Variants in SLC6A6 observed in about 807,000 individuals in gnomAD.
SLC6A6 encodes solute carrier family 6 member 6.
SLC6A6 carries 16 observed loss-of-function variants against 68.8 expected under a neutral mutation model. That is an observed-to-expected ratio of 0.23 (90% confidence interval 0.16 to 0.35). The LOEUF (loss-of-function observed/expected upper bound fraction) is 0.35. Among genes scored for constraint, SLC6A6 ranks in the 10% least tolerant of loss-of-function variants. SLC6A6 has a pLI of 1.00. For missense variants in SLC6A6, 474 were observed against 802.8 expected (o/e 0.59, Z 4.95); for synonymous variants, 312 against 315.4 (o/e 0.99, Z 0.12).
At chr3:14,404,655 C>T (rs953730894) in intron 1 of SLC6A6, among the ~76,000 whole-genome samples, 4 of 152,228 alleles carry the variant, frequency 2.6e-5, no homozygotes, top group African/African-American at 9.6e-5. Flanking sequence ...CTTTGAGCCT[C>T]GGCTTGGCTG....
chr3:14,485,091 T>G lies in SLC6A6; in HGVS notation c.*84T>G, dbSNP rs1701116542. On this transcript the variant is annotated 3_prime_UTR_variant, in exon 15 of 15. Transcript: ENST00000622186. ...ATAGGACCAGGTTTACAGAGCTTTA[T>G]ATTTGCACTAGGATTTTTTTTTTTT... 1.6e-6 allele frequency: 2 copies of G among 1,218,632 alleles called. No individual in the cohort carries two copies. The highest frequency in any genetic ancestry group is 2.2e-6 in the Non-Finnish European group (2 of 895,230). The allele number at this position is 1,218,632 out of a possible 1,614,324, so 75.5% of individuals were successfully genotyped here.
chr3:14,486,590 A>T lies in SLC6A6; in HGVS notation c.*1583A>T, dbSNP rs2125004671. ...TACCTTTCAAATCCCCAGGGCAGAC[A>T]CACCCCCACCCAGCCCCTATTTGGA... On this transcript the variant is annotated 3_prime_UTR_variant, in exon 15 of 15. Coordinates refer to ENST00000622186, the MANE Select transcript of SLC6A6 (RefSeq NM_003043.6). 1 of 152,714 alleles carries T rather than the reference A, an allele frequency of 6.5e-6. No individual in the cohort carries two copies. The highest frequency in any genetic ancestry group is 2.4e-5 in the African/African-American group (1 of 41,534). 9.5% of individuals were successfully genotyped at this position (152,714 alleles called of 1,614,324 possible).
intron 10 of SLC6A6, among the ~76,000 whole-genome samples, chr3:14,474,459 C>T (rs116014568): frequency 0.016 from 2,442 of 152,312 alleles, 77 homozygotes; most frequent in African/African-American, 0.056. Flanking sequence ...CCATCACCAC[C>T]GTCCGTCTCC....
chr3:14,427,866 C>T (rs954018940), intron 2 of SLC6A6, among the ~76,000 whole-genome samples: 3 of 152,170 alleles, frequency 2.0e-5, no homozygotes, highest in Non-Finnish European at 4.4e-5. Context: ...AGTTCCCAGC[C>T]CCTGTAACTT....
intron 6 of SLC6A6, among the ~76,000 whole-genome samples, chr3:14,466,089 C>G (rs1322913725): frequency 6.6e-6 from 1 of 151,858 alleles, no homozygotes; most frequent in Non-Finnish European, 1.5e-5. Context: ...TGGTGAAACC[C>G]CATCTCTACT....
intron 2 of SLC6A6, among the ~76,000 whole-genome samples, chr3:14,417,635 G>A (rs1699393398): frequency 6.6e-6 from 1 of 152,080 alleles, no homozygotes; most frequent in Admixed American, 6.6e-5. Flanking sequence ...GGGAGGCTGA[G>A]GCAGGAGAAT....
chr3:14,482,136 G>T (rs1701023634), intron 14 of SLC6A6, among the ~76,000 whole-genome samples: 1 of 152,236 alleles, frequency 6.6e-6, no homozygotes, highest in Non-Finnish European at 1.5e-5. Context: ...TGGCAGAGTT[G>T]GGGTGGGCAG....
intron 2 of SLC6A6, among the ~76,000 whole-genome samples, chr3:14,424,900 G>A (rs1030390871): frequency 6.0e-4 from 92 of 152,258 alleles, no homozygotes; most frequent in African/African-American, 2.1e-3. Flanking sequence ...AAGGAAGCTC[G>A]GTCGAAGCCG....
chr3:14,418,419 G>A (rs892923120), intron 2 of SLC6A6, among the ~76,000 whole-genome samples: 1 of 152,174 alleles, frequency 6.6e-6, no homozygotes. Context: ...GGCCTAGGTT[G>A]CTTGGTCACA....
At chr3:14,451,914 C>T (rs1196346325) in intron 5 of SLC6A6, among the ~76,000 whole-genome samples, 1 of 152,202 alleles carries the variant, frequency 6.6e-6, no homozygotes, top group African/African-American at 2.4e-5. Flanking sequence ...GACCCTCAAG[C>T]TGAAGCCCAG....
chr3:14,434,802 C>T (rs1051198613), intron 2 of SLC6A6, among the ~76,000 whole-genome samples: 1 of 152,210 alleles, frequency 6.6e-6, no homozygotes, highest in African/African-American at 2.4e-5. Context: ...ACCCCTCCCC[C>T]TGCAACTGGC....
Position 14,472,451 on chromosome 3 carries a change from G to C in SLC6A6, c.1209+134G>C. On this transcript the variant is annotated intron_variant, in intron 10 of 14. Transcript: ENST00000622186. This position sits in a 1 kb window ranked among gnomAD's most constrained non-coding sequence, Gnocchi z 4.5. ...CAGACTTCCAGTGCTTCAGCTGTGA[G>C]GGTTCCTCCAGGACACCAGGAATAG... is the stretch of plus-strand genomic sequence containing the variant. 1.5e-6 allele frequency: 1 copy of C among 653,694 alleles called. No individual in the cohort carries two copies. Among genetic ancestry groups the C allele is most frequent in the Non-Finnish European group, 2.7e-6 (1 of 365,764 alleles). 40.5% of individuals were successfully genotyped at this position (653,694 alleles called of 1,614,324 possible). A position where few individuals can be genotyped will look rare whatever the true frequency, so the allele number is the denominator to read the frequency against.
rs1053329934 is a variant in SLC6A6, at chr3:14,458,530, C to T, written c.732+448C>T. On this transcript the variant is annotated intron_variant, in intron 6 of 14. Transcript: ENST00000622186. The stretch of plus-strand genomic sequence containing the variant: ...AGCCATTAGCCACAGCATGGACCCT[C>T]GCTTTGCAGAGGGGGCCACAAGCAT... Among the ~76,000 whole-genome samples the T allele has an allele frequency of 2.0e-5, 3 of 152,230 alleles. No homozygotes were observed. The East Asian group carries it at 5.8e-4, about 29-fold the overall frequency.
chr3:14,434,233 G>T (rs1398484779), intron 2 of SLC6A6, among the ~76,000 whole-genome samples: 1 of 152,180 alleles, frequency 6.6e-6, no homozygotes, highest in Non-Finnish European at 1.5e-5. Context: ...ACTTCTCTGG[G>T]CCTCTTTCCA....
intron 1 of SLC6A6, among the ~76,000 whole-genome samples, chr3:14,410,305 T>A (rs1699221277): frequency 6.6e-6 from 1 of 152,162 alleles, no homozygotes; most frequent in East Asian, 1.9e-4. Context: ...AGGAAAGGGT[T>A]AATGCCTCCA....
At chr3:14,471,919 C>T (rs966881065) in intron 9 of SLC6A6, among the ~76,000 whole-genome samples, 2 of 152,192 alleles carry the variant, frequency 1.3e-5, no homozygotes, top group Admixed American at 1.3e-4. Context: ...AAGCCCTGGG[C>T]TCAGTCTGCA....
intron 2 of SLC6A6, among the ~76,000 whole-genome samples, chr3:14,437,587 C>G (rs1699886261): frequency 6.6e-6 from 1 of 152,148 alleles, no homozygotes; most frequent in Non-Finnish European, 1.5e-5. Flanking sequence ...TACGTATCAC[C>G]TCGCTTCCTA....
At chr3:14,414,480 A>G (rs1156771025) in intron 1 of SLC6A6, among the ~76,000 whole-genome samples, 5 of 151,760 alleles carry the variant, frequency 3.3e-5, no homozygotes, top group Non-Finnish European at 7.4e-5. Context: ...CAGAAGGGGC[A>G]TGGGTGCCAG....
At chr3:14,407,669 A>G (rs1699141365) in intron 1 of SLC6A6, among the ~76,000 whole-genome samples, 1 of 151,942 alleles carries the variant, frequency 6.6e-6, no homozygotes, top group African/African-American at 2.4e-5. Context: ...ACACCTGGCT[A>G]GTTTCTTTTG....
Sources: gnomAD v4.1 joint callset for allele counts (sites outside exome capture counted in the v4.1 genomes callset) on GRCh38, gnomAD v4.1.1 for gene constraint, Gnocchi (gnomAD v3.1) non-coding constraint, MANE v1.5 for transcripts, NCBI Gene and HGNC (gene_info 2026-07-23, HGNC 2026-07-21) for gene names.